The following TNS3 variants were observed in gnomAD, a reference collection of about 807,000 sequenced individuals.
TNS3 encodes tensin-3.
Under a neutral mutation model 140.9 loss-of-function variants are expected in TNS3, and 45 were observed. The ratio of observed to expected loss-of-function variants is 0.32; its 90% CI spans 0.25 to 0.41. The LOEUF (loss-of-function observed/expected upper bound fraction) is 0.41. Among genes scored for constraint, TNS3 ranks in the 10% least tolerant of loss-of-function variants. The probability of loss-of-function intolerance (pLI) is 1.00; values close to 1 mark genes in which losing one functional copy is unlikely to be tolerated. For missense variants in TNS3, 1,716 were observed against 1,906.7 expected (o/e 0.90, Z 1.86); for synonymous variants, 815 against 788.4 (o/e 1.03, Z -0.56).
intron 20 of TNS3, among the ~76,000 whole-genome samples, chr7:47,309,065 C>G (rs905329160): frequency 1.3e-5 from 2 of 152,214 alleles, no homozygotes; most frequent in African/African-American, 4.8e-5. Context: ...CACCTGGAAA[C>G]TTTGTCTAGG....
chr7:47,502,420 G>T (rs996550521), intron 3 of TNS3, among the ~76,000 whole-genome samples: 1 of 152,214 alleles, frequency 6.6e-6, no homozygotes, highest in Non-Finnish European at 1.5e-5. Flanking sequence ...GACAGTTTCT[G>T]AAGAAGCCAT....
chr7:47,530,255 C>T (rs192162244), intron 1 of TNS3, among the ~76,000 whole-genome samples: 212 of 152,192 alleles, frequency 1.4e-3, no homozygotes, highest in Non-Finnish European at 2.4e-3. Flanking sequence ...ACACTGGATG[C>T]GATTACTGGC....
intron 4 of TNS3, among the ~76,000 whole-genome samples, chr7:47,479,586 G>A (rs903296769): frequency 5.9e-5 from 9 of 152,016 alleles, no homozygotes; most frequent in African/African-American, 2.2e-4. Flanking sequence ...CCAGGCAGGC[G>A]CCCGCCCCGG....
rs139995989 is a variant in TNS3 at position 47,531,218 on chromosome 7, C to T, written c.-264-2071G>A. Among the ~76,000 whole-genome samples the T allele has an allele frequency of 5.0e-3, 767 of 151,946 alleles. 6 individuals are homozygous for T. The highest frequency in any genetic ancestry group is 0.017 in the African/African-American group (693 of 41,438). ...CCAAACCCCCACAACACACAATTTA[C>T]CTATATAATAAACCTGCACATGTAC... On this transcript the variant is annotated intron_variant, in intron 1 of 30. Transcript: ENST00000311160.
chr7:47,534,402 A>G (rs951489591), intron 1 of TNS3, among the ~76,000 whole-genome samples: 1 of 152,196 alleles, frequency 6.6e-6, no homozygotes, highest in Admixed American at 6.5e-5. Context: ...CTTAAATAGA[A>G]AAGATATCCT....
At chr7:47,440,548 C>A (rs1795416336) in intron 5 of TNS3, among the ~76,000 whole-genome samples, 1 of 152,156 alleles carries the variant, frequency 6.6e-6, no homozygotes, top group Non-Finnish European at 1.5e-5. Context: ...AGGACTTGGG[C>A]AGGACTGGCA....
At chr7:47,406,454 C>T (rs1450632517) in intron 13 of TNS3, among the ~76,000 whole-genome samples, 1 of 152,174 alleles carries the variant, frequency 6.6e-6, no homozygotes, top group Admixed American at 6.5e-5. Flanking sequence ...CAGTAAGTCC[C>T]AGTGCAGAGG....
chr7:47,508,985 G>A (rs1798514221), intron 2 of TNS3, among the ~76,000 whole-genome samples: 1 of 152,192 alleles, frequency 6.6e-6, no homozygotes, highest in South Asian at 2.1e-4. Context: ...GAGACCCTGA[G>A]CCAGAACTGC....
At chr7:47,405,363 A>C in intron 13 of TNS3, 1 of 604,720 alleles carries the variant, frequency 1.7e-6, no homozygotes, top group Non-Finnish European at 2.9e-6. Flanking sequence ...CTGGTGGCCC[A>C]GGCAACTGTC....
chr7:47,491,051 G>A (rs971392177), intron 3 of TNS3, among the ~76,000 whole-genome samples: 2 of 152,276 alleles, frequency 1.3e-5, no homozygotes, highest in African/African-American at 4.8e-5. Context: ...GCCGCCGATG[G>A]TGGGGGCAAG....
At chr7:47,463,502 C>T (rs867559131) in intron 4 of TNS3, among the ~76,000 whole-genome samples, 12 of 152,156 alleles carry the variant, frequency 7.9e-5, no homozygotes, top group South Asian at 2.1e-4. Context: ...GTAACTCACA[C>T]CTGAAGGAAG....
chr7:47,419,118 T>C (rs570314289), intron 10 of TNS3, among the ~76,000 whole-genome samples: 8 of 152,228 alleles, frequency 5.3e-5, no homozygotes, highest in Non-Finnish European at 7.3e-5. Flanking sequence ...GACCTACACA[T>C]TGGAATTGCT....
intron 1 of TNS3, among the ~76,000 whole-genome samples, chr7:47,571,494 G>C (rs979677057): frequency 9.8e-6 from 1 of 102,242 alleles, no homozygotes; most frequent in Non-Finnish European, 2.0e-5. Flanking sequence ...TATGGGAAAC[G>C]GAAAAGCTGG....
intron 13 of TNS3, 97 bp from the exon 14 acceptor site, chr7:47,401,011 TCCCC>T: frequency 6.5e-7 from 1 of 1,539,128 alleles, no homozygotes; most frequent in Non-Finnish European, 8.8e-7. Flanking sequence ...CAGCAGGGCC[TCCCC>T]TCTGGACTCT....
At chr7:47,301,571 A>C (rs1786401929) in intron 23 of TNS3, among the ~76,000 whole-genome samples, 1 of 151,870 alleles carries the variant, frequency 6.6e-6, no homozygotes, top group Non-Finnish European at 1.5e-5. Flanking sequence ...TCTGGTAAAA[A>C]GTGATGCTCA....
chr7:47,582,280 A>G, upstream of TNS3: 2 of 361,130 alleles, frequency 5.5e-6, no homozygotes, highest in South Asian at 4.1e-5. Flanking sequence ...GGCGCCCTTC[A>G]CCGGGGTCCC....
At chr7:47,529,196 T>C in intron 1 of TNS3, 49 bp from the exon 2 acceptor site, 3 of 1,026,822 alleles carry the variant, frequency 2.9e-6, no homozygotes, top group Non-Finnish European at 3.9e-6. Context: ...CATAGTTTGT[T>C]TCTTTTTCCT....
At chr7:47,542,596 C>T (rs1389630416) in intron 1 of TNS3, among the ~76,000 whole-genome samples, 1 of 152,096 alleles carries the variant, frequency 6.6e-6, no homozygotes, top group Non-Finnish European at 1.5e-5. Flanking sequence ...TGAGGGTGTC[C>T]GAGTGTGAGG....
At position 47,534,526 on chromosome 7, in the gene TNS3, C is replaced by T. The variant is rs949181529; in HGVS notation, c.-264-5379G>A. On this transcript the variant is annotated intron_variant, in intron 1 of 30. Coordinates refer to ENST00000311160, the MANE Select transcript of TNS3 (RefSeq NM_022748.12). ...CAGCTGACCCAGGCTCCACCCCAGA[C>T]CAATTAAATCAGATTACCTGGAGGT... 2.6e-5 allele frequency among the ~76,000 whole-genome samples: 4 copies of T among 152,240 alleles called. No homozygotes were observed. In the South Asian group the frequency reaches 8.3e-4, roughly 32 times the overall value.
Sources: allele counts gnomAD v4.1 joint callset (sites outside exome capture counted in the v4.1 genomes callset), GRCh38; gene constraint gnomAD v4.1.1; transcripts MANE v1.5; gene names NCBI Gene and HGNC (gene_info 2026-07-23, HGNC 2026-07-21).